The following TAT variants were observed in gnomAD, a reference collection of about 807,000 sequenced individuals.
The protein encoded by TAT is tyrosine aminotransferase.
Under a neutral mutation model 53.6 loss-of-function variants are expected in TAT, and 35 were observed. The ratio of observed to expected loss-of-function variants is 0.65; its 90% CI spans 0.50 to 0.87. TAT has a LOEUF of 0.87. TAT is among the 40% of genes least tolerant of loss of function. TAT has a pLI of 0.00. For missense variants in TAT, 525 were observed against 571.8 expected (o/e 0.92, Z 0.83); for synonymous variants, 197 against 206.5 (o/e 0.95, Z 0.39).
At position 71,569,950 on chromosome 16, in the gene TAT, G is replaced by T. The variant is rs772366681; in HGVS notation, c.1042-13C>A. The T allele has an allele frequency of 5.0e-6, 8 of 1,610,616 alleles. No homozygotes were observed. Among genetic ancestry groups the T allele is most frequent in the East Asian group, 2.2e-5 (1 of 44,784 alleles). Reference sequence around the variant, plus strand: ...GATCAGCATTGGACTACAAGAAGAGGCAAGGAGAAATCAAGGATCAAAATT... The same window carrying T: ...GATCAGCATTGGACTACAAGAAGAGTCAAGGAGAAATCAAGGATCAAAATT... On this transcript the variant is annotated splice_polypyrimidine_tract_variant and intron_variant, in intron 9 of 11. Transcript: ENST00000355962.
chr16:71,569,061 C>T (rs1013034465), intron 10 of TAT, among the ~76,000 whole-genome samples: 2 of 152,268 alleles, frequency 1.3e-5, no homozygotes, highest in Admixed American at 1.3e-4. Context: ...GCTAGTATGT[C>T]TCAAAAGAGA....
chr16:71,572,754 CAGGT>C (rs1228180217), intron 4 of TAT, 66 bp from the exon 5 acceptor site: 11 of 1,592,272 alleles, frequency 6.9e-6, no homozygotes, highest in Non-Finnish European at 8.6e-6. Flanking sequence ...AAGAAGTTGT[CAGGT>C]GGGTGAGTTG....
At chr16:71,570,505 G>A (rs1668169457) in intron 8 of TAT, 108 bp from the exon 9 acceptor site, 17 of 1,589,974 alleles carry the variant, frequency 1.1e-5, no homozygotes, top group East Asian at 2.2e-5. Flanking sequence ...GGAAAGTGAT[G>A]GTGTCTAGTG....
At position 71,576,162 on chromosome 16, in the gene TAT, A is replaced by T; in HGVS notation, c.235+19T>A. The T allele has an allele frequency of 6.2e-7, 1 of 1,612,530 alleles. No homozygotes were observed. Among genetic ancestry groups the T allele is most frequent in the East Asian group, 2.2e-5 (1 of 44,862 alleles). Reference sequence around the variant, plus strand: ...TAGAGGAGGACAATGACAGCCCCTCAGTAGTGTCCCCAACTCACCAATGGA... The same window carrying T: ...TAGAGGAGGACAATGACAGCCCCTCTGTAGTGTCCCCAACTCACCAATGGA... On this transcript the variant is annotated intron_variant, in intron 2 of 11. Transcript: ENST00000355962.
At chr16:71,573,456 G>T in intron 4 of TAT, 83 bp downstream of exon 4, 1 of 1,300,766 alleles carries the variant, frequency 7.7e-7, no homozygotes, top group Non-Finnish European at 1.1e-6. Flanking sequence ...TCTGACACCC[G>T]TACTTCTTGT....
chr16:71,572,787 C>T (rs2044211763), intron 4 of TAT, 99 bp from the exon 5 acceptor site: 12 of 1,370,630 alleles, frequency 8.8e-6, no homozygotes, highest in Non-Finnish European at 1.2e-5. Context: ...TGTGAACTTC[C>T]TTTAACAAGT....
chr16:71,569,925 G>A lies in TAT; in HGVS notation c.1054C>T (p.Leu352Phe). Reference protein sequence around the residue: ...TLSFLKSNADLCYGALAAIPG... With the variant: ...TLSFLKSNADFCYGALAAIPG... The stretch of plus-strand genomic sequence containing the variant: ...ATGGCAGCCAACGCCCCATAACAGA[G>A]ATCAGCATTGGACTACAAGAAGAGG... Residue 352 changes from leucine (L) to phenylalanine (F), a missense_variant, in exon 10 of 12, where the codon CTC becomes TTC. Transcript: ENST00000355962. 1 of 1,613,574 alleles carries A rather than the reference G, an allele frequency of 6.2e-7. No homozygotes were observed. Among genetic ancestry groups the A allele is most frequent in the Non-Finnish European group, 8.5e-7 (1 of 1,179,840 alleles).
At position 71,572,512 on chromosome 16, in the gene TAT, G is replaced by A. The variant is rs1190468648; in HGVS notation, c.567+18C>T. 6.2e-7 allele frequency: 1 copy of A among 1,614,016 alleles called. No individual in the cohort carries two copies. The highest frequency in any genetic ancestry group is 2.2e-5 in the East Asian group (1 of 44,896). ...TTAGTAACTGAGCATTTGAGTCTAA[G>A]ATTAAAAAGTCATTTACCAACAAAT... On this transcript the variant is annotated intron_variant, in intron 5 of 11. Coordinates refer to ENST00000355962, the MANE Select transcript of TAT (RefSeq NM_000353.3).
At chr16:71,575,529 A>C (rs1248555805) in intron 3 of TAT, 3 of 290,088 alleles carry the variant, frequency 1.0e-5, no homozygotes, top group Non-Finnish European at 2.0e-5. Context: ...AGAGAAGCAG[A>C]AATGAAGCAA....
chr16:71,570,443 A>G (rs1567590605), intron 8 of TAT, 46 bp from the exon 9 acceptor site: 6 of 1,614,152 alleles, frequency 3.7e-6, no homozygotes, highest in Non-Finnish European at 5.1e-6. Flanking sequence ...TTTCTTAAGC[A>G]TCTCTGTCTT....
chr16:71,575,114 A>G (rs779861784), intron 3 of TAT: 1 of 152,234 alleles, frequency 6.6e-6, no homozygotes, highest in Non-Finnish European at 1.5e-5. Context: ...TTGTTGTATG[A>G]AACTTTATAA....
rs371842882 is a variant in TAT, at chr16:71,568,108, T to C, written c.*36A>G. ...CCGCAAGGCCTAGTCCAGCCTTCCCTAGATGGGACACATCCTCAGGAGAAT... is the reference window on the plus strand; with the variant it reads ...CCGCAAGGCCTAGTCCAGCCTTCCCCAGATGGGACACATCCTCAGGAGAAT... On this transcript the variant is annotated 3_prime_UTR_variant, in exon 12 of 12. Coordinates refer to ENST00000355962, the MANE Select transcript of TAT (RefSeq NM_000353.3). The C allele has an allele frequency of 6.2e-7, 1 of 1,613,926 alleles. No homozygotes were observed. Among genetic ancestry groups the C allele is most frequent in the Non-Finnish European group, 8.5e-7 (1 of 1,179,960 alleles).
At chr16:71,570,077 A>G (rs1240114846) in intron 9 of TAT, 140 bp from the exon 10 acceptor site, 4 of 1,323,712 alleles carry the variant, frequency 3.0e-6, no homozygotes, top group East Asian at 2.5e-5. Context: ...AAAAAGCTCT[A>G]TTACTTGAAG....
At position 71,568,732 on chromosome 16, in the gene TAT, A is replaced by AGACT; in HGVS notation, c.1199_1202dup (p.His403CysfsTer10). 1 of 1,613,902 alleles carries AGACT rather than the reference A, an allele frequency of 6.2e-7. No homozygotes were observed. Among genetic ancestry groups the AGACT allele is most frequent in the African/African-American group, 1.3e-5 (1 of 75,054 alleles). Reference sequence around the variant, plus strand: ...CCACCGTTGCTGGGAGGCAGTGGACAGACTGCTCAGCAACTAACCGCTCCG... The same window carrying AGACT: ...CCACCGTTGCTGGGAGGCAGTGGACAGACTGACTGCTCAGCAACTAACCGCTCCG... On this transcript the variant is annotated frameshift_variant, in exon 11 of 12. Transcript: ENST00000355962. LOFTEE classifies it high-confidence loss of function.
intron 3 of TAT, chr16:71,574,982 C>T (rs527924081): frequency 6.6e-6 from 1 of 152,264 alleles, no homozygotes; most frequent in Admixed American, 6.5e-5. Flanking sequence ...AACCTTTGAA[C>T]ATTTGTCAAA....
intron 1 of TAT, among the ~76,000 whole-genome samples, 171 bp from the exon 2 acceptor site, chr16:71,576,598 G>A (rs1164599497): frequency 1.3e-5 from 2 of 152,044 alleles, no homozygotes. Flanking sequence ...GAATGGGGGA[G>A]TTTTAAGAGT....
intron 7 of TAT, 100 bp downstream of exon 7, chr16:71,571,506 G>T: frequency 1.8e-6 from 2 of 1,102,732 alleles, no homozygotes; most frequent in Non-Finnish European, 2.8e-6. Context: ...CTGATTTGCT[G>T]TAATGAAACG....
In TAT at chr16:71,576,201, G is replaced by GT; in HGVS notation, c.214dup (p.Thr72AsnfsTer21). On this transcript the variant is annotated frameshift_variant, in exon 2 of 12. Transcript: ENST00000355962. LOFTEE classifies it high-confidence loss of function. ...CTCACCAATGGACAGGGAAATCATG[G>GT]TTTTGTTTGGATTTGGTTTCACCTT... 1 of 1,614,094 alleles carries GT rather than the reference G, an allele frequency of 6.2e-7. No individual in the cohort carries two copies. The highest frequency in any genetic ancestry group is 8.5e-7 in the Non-Finnish European group (1 of 1,179,988).
Position 71,570,753 on chromosome 16 carries a change from T to C in TAT, c.838A>G (p.Lys280Glu), listed in dbSNP as rs1476750449. 1 of 1,614,202 alleles carries C rather than the reference T, an allele frequency of 6.2e-7. No individual in the cohort carries two copies. ...CTCCAGCCAGGAACCAGCCAGCGCT[T>C]GGCCAGCCCTCCACAGGACAGGATG... The part of the protein sequence containing the change: ...VPILSCGGLA[K>E]RWLVPGWRLG... Residue 280 changes from lysine (K) to glutamate (E), a missense_variant, in exon 8 of 12, where the codon AAG becomes GAG. Coordinates refer to ENST00000355962, the MANE Select transcript of TAT (RefSeq NM_000353.3).
Sources: allele counts gnomAD v4.1 joint callset (sites outside exome capture counted in the v4.1 genomes callset), GRCh38; gene constraint gnomAD v4.1.1; transcripts MANE v1.5; gene names NCBI Gene and HGNC (gene_info 2026-07-23, HGNC 2026-07-21).